SPATA13: variants seen among roughly 807,000 people sequenced by gnomAD.
SPATA13 encodes the protein spermatogenesis associated 13, also known as spermatogenesis-associated protein 13.
Under a neutral mutation model 104.0 loss-of-function variants are expected in SPATA13, and 50 were observed. The observed-to-expected ratio is 0.48, with a 90% CI of 0.38 to 0.61. The LOEUF (loss-of-function observed/expected upper bound fraction) is 0.61. SPATA13 is among the 20% of genes least tolerant of loss of function. The pLI is 0.00. For missense variants in SPATA13, 1,524 were observed against 1,690.6 expected, an observed-to-expected ratio of 0.90 and a Z score of 1.73; for synonymous variants, 606 against 667.5, an observed-to-expected ratio of 0.91 and a Z score of 1.42.
intron 1 of SPATA13, among the ~76,000 whole-genome samples, chr13:24,179,416 T>A (rs1593386503): frequency 6.6e-6 from 1 of 152,212 alleles, no homozygotes; most frequent in Admixed American, 6.5e-5. Context: ...GGGCTCCAGT[T>A]TTTAAACTGA....
intron 3 of SPATA13, among the ~76,000 whole-genome samples, chr13:24,070,593 G>C (rs548849191): frequency 6.6e-6 from 1 of 152,250 alleles, no homozygotes; most frequent in African/African-American, 2.4e-5. Context: ...TGGGCCACAG[G>C]GTGCTGATAT....
In SPATA13 at chr13:24,232,769, G is replaced by A. The variant is rs1238693865; in HGVS notation, c.1653+8187G>A. On this transcript the variant is annotated intron_variant, in intron 2 of 12. Transcript: ENST00000382108. ...TTGCCATGCTCCCCAGGCTGGTCTC[G>A]AGCTCCTGAGCTCAAGTGGTCTGCC... Among the ~76,000 whole-genome samples, 3 of 152,248 alleles carry A rather than the reference G, an allele frequency of 2.0e-5. 1 individual carries two copies. Among genetic ancestry groups the A allele is most frequent in the Non-Finnish European group, 1.5e-5 (1 of 68,010 alleles).
At chr13:24,130,524 T>C (rs1200244522) in intron 3 of SPATA13, among the ~76,000 whole-genome samples, 1 of 152,206 alleles carries the variant, frequency 6.6e-6, no homozygotes, top group African/African-American at 2.4e-5. Context: ...TTCTGATTTA[T>C]TGACTACCTT....
Position 24,286,739 on chromosome 13 carries a change from A to T in SPATA13, c.2482-26A>T, listed in dbSNP as rs1345746000. On this transcript the variant is annotated intron_variant, in intron 6 of 12. Transcript: ENST00000382108. The surrounding 1 kb of genome is among the most constrained non-coding windows in gnomAD (Gnocchi z 4.9). The stretch of plus-strand genomic sequence containing the variant: ...ATGCTGCCCTCCCCTGCCCCAAGTC[A>T]CCTGTCCCCTGTATGTGGGTTGCAG... 6.2e-7 allele frequency: 1 copy of T among 1,608,514 alleles called. No individual in the cohort carries two copies. Among genetic ancestry groups the T allele is most frequent in the Non-Finnish European group, 8.5e-7 (1 of 1,177,066 alleles).
Position 24,290,866 on chromosome 13 carries a change from A to G in SPATA13, c.3062A>G (p.Tyr1021Cys). 6.2e-7 allele frequency: 1 copy of G among 1,614,048 alleles called. No homozygotes were observed. Among genetic ancestry groups the G allele is most frequent in the Non-Finnish European group, 8.5e-7 (1 of 1,179,938 alleles). ...YPLQLAELLKYTTQEHGDYSN... is the reference protein window; with the variant it reads ...YPLQLAELLKCTTQEHGDYSN... ...CTGCAGCTGGCCGAGCTGCTCAAGT[A>G]TACCACACAGGAACACGGGTGAGGG... is the stretch of plus-strand genomic sequence containing the variant. The change falls in exon 9 of 13, where the codon TAT (tyrosine) becomes TGT (cysteine). Residue 1021 changes from tyrosine to cysteine, a missense_variant. This residue lies in a region of SPATA13 where 435 missense variants were observed against 554.8 expected (regional missense o/e 0.78). Transcript: ENST00000382108.
chr13:24,162,769 C>T (rs1434093707), intron 1 of SPATA13, among the ~76,000 whole-genome samples: 2 of 152,192 alleles, frequency 1.3e-5, no homozygotes, highest in Non-Finnish European at 2.9e-5. Flanking sequence ...AAGGAAGGCT[C>T]AGAGGAGGTA....
intron 5 of SPATA13, among the ~76,000 whole-genome samples, chr13:24,285,680 CTTTTT>C (rs3067301): frequency 1.5e-5 from 2 of 129,872 alleles, no homozygotes; most frequent in Admixed American, 1.6e-4. Context: ...CCACATCTGG[CTTTTT>C]TTTTTTTTTT....
In SPATA13 at chr13:24,251,800, C is replaced by G. The variant is rs755789458; in HGVS notation, c.2102C>G (p.Ser701Cys). The G allele has an allele frequency of 6.2e-7, 1 of 1,614,198 alleles. No individual in the cohort carries two copies. Among genetic ancestry groups the G allele is most frequent in the South Asian group, 1.1e-5 (1 of 91,080 alleles). Residue 701 changes from serine to cysteine, a missense_variant, in exon 4 of 13, where the codon TCC becomes TGC. Ser to Cys is a moderately radical substitution (Grantham distance 112, BLOSUM62 -1). Around this residue, in one of 2 missense-constraint regions of SPATA13, gnomAD observed 1,089 missense variants for 1,135.9 expected, o/e 0.96. Coordinates refer to ENST00000382108, the MANE Select transcript of SPATA13 (RefSeq NM_001166271.3). ...VSARFRPFTFSQSTPIGLDRV... is the reference protein window; with the variant it reads ...VSARFRPFTFCQSTPIGLDRV... ...GCCCGGTTCCGGCCCTTCACATTCTCCCAGAGCACCCCCATTGGGTTGGAC... is the reference window on the plus strand; with the variant it reads ...GCCCGGTTCCGGCCCTTCACATTCTGCCAGAGCACCCCCATTGGGTTGGAC...
intron 3 of SPATA13, among the ~76,000 whole-genome samples, chr13:24,056,667 G>A (rs1237110703): frequency 6.6e-6 from 1 of 152,220 alleles, no homozygotes; most frequent in Admixed American, 6.5e-5. Flanking sequence ...TGGAAGGGAT[G>A]GCTTCTTCGG....
chr13:24,091,966 G>A (rs1458992904), intron 3 of SPATA13, among the ~76,000 whole-genome samples: 3 of 152,180 alleles, frequency 2.0e-5, no homozygotes, highest in Non-Finnish European at 4.4e-5. Flanking sequence ...TGGAGAGAGG[G>A]GAGATGGGAG....
chr13:24,015,122 G>A (rs1876651948), intron 2 of SPATA13, among the ~76,000 whole-genome samples: 1 of 152,010 alleles, frequency 6.6e-6, no homozygotes, highest in African/African-American at 2.4e-5. Flanking sequence ...TTGATTTCCT[G>A]ACCTCATGAT....
chr13:24,137,986 A>G (rs573734406), intron 3 of SPATA13, among the ~76,000 whole-genome samples: 259 of 152,266 alleles, frequency 1.7e-3, no homozygotes, highest in Non-Finnish European at 2.5e-3. Flanking sequence ...GAATCTGGTC[A>G]GTTGCCTGGA....
At chr13:24,281,184 T>C (rs1166650208) in intron 4 of SPATA13, among the ~76,000 whole-genome samples, 1 of 152,228 alleles carries the variant, frequency 6.6e-6, no homozygotes, top group African/African-American at 2.4e-5. Flanking sequence ...AGACCAAGGC[T>C]GTGGAGCGCT....
chr13:24,282,067 T>C (rs1875568634), intron 4 of SPATA13, among the ~76,000 whole-genome samples: 3 of 152,092 alleles, frequency 2.0e-5, no homozygotes, highest in African/African-American at 7.2e-5. Context: ...CTGGGCTCTA[T>C]TTACAGAATT....
At chr13:24,281,539 G>A (rs1352187741) in intron 4 of SPATA13, among the ~76,000 whole-genome samples, 3 of 152,214 alleles carry the variant, frequency 2.0e-5, no homozygotes, top group African/African-American at 4.8e-5. Context: ...CATGGGCCAT[G>A]CCTCAATGTG....
chr13:24,145,754 T>G (rs1335948504), intron 3 of SPATA13, among the ~76,000 whole-genome samples: 6 of 152,150 alleles, frequency 3.9e-5, no homozygotes, highest in Non-Finnish European at 7.4e-5. Flanking sequence ...ACGGCTAATT[T>G]TCAAATTGGT....
At chr13:24,006,784 C>T (rs1310073578) in intron 2 of SPATA13, among the ~76,000 whole-genome samples, 1 of 152,222 alleles carries the variant, frequency 6.6e-6, no homozygotes, top group African/African-American at 2.4e-5. Context: ...CCCTTGCATT[C>T]ATGTGCCAGC....
At chr13:24,273,336 A>G (rs1874756000) in intron 4 of SPATA13, among the ~76,000 whole-genome samples, 1 of 152,224 alleles carries the variant, frequency 6.6e-6, no homozygotes, top group Non-Finnish European at 1.5e-5. Flanking sequence ...ATGTGAAGCT[A>G]TACATTAAGA....
intron 10 of SPATA13, 35 bp from the exon 11 acceptor site, chr13:24,297,328 T>C (rs758684200): frequency 1.9e-6 from 3 of 1,569,588 alleles, no homozygotes; most frequent in Admixed American, 3.4e-5. Flanking sequence ...TGTGGTAGAA[T>C]TGGAAGGTCT....
Sources: gnomAD v4.1 joint callset for allele counts (sites outside exome capture counted in the v4.1 genomes callset) on GRCh38, gnomAD v4.1.1 for gene constraint, gnomAD v4.1.1 regional missense constraint, Gnocchi (gnomAD v3.1) non-coding constraint, MANE v1.5 for transcripts, NCBI Gene and HGNC (gene_info 2026-07-23, HGNC 2026-07-21) for gene names.